The following CDH22 variants were observed in gnomAD, a reference collection of about 807,000 sequenced individuals.
The protein encoded by CDH22 is cadherin-22.
A neutral mutation model predicts 58.4 loss-of-function variants in CDH22; 30 were observed. That is an observed-to-expected ratio of 0.51 (90% CI 0.38 to 0.70). The LOEUF (loss-of-function observed/expected upper bound fraction) is 0.70. CDH22 is among the 30% of genes least tolerant of loss of function. The pLI is 0.00. For synonymous variants in CDH22, 513 were observed against 558.2 expected (o/e 0.92, Z 1.14); for missense variants, 1,014 against 1,233.9 (o/e 0.82, Z 2.67).
At position 46,216,155 on chromosome 20, in the gene CDH22, A is replaced by C. The variant is rs892538647; in HGVS notation, c.838+671T>G. ...CTGCCAGCTTTGGTGGCTTCCCTGT[A>C]GTGGCTCTCGGCCTGAGCCTGGGAC... On this transcript the variant is annotated intron_variant, in intron 5 of 11. Coordinates refer to ENST00000537909, the MANE Select transcript of CDH22 (RefSeq NM_021248.3). The surrounding 1 kb of genome is among the most constrained non-coding windows in gnomAD (Gnocchi z 5.3). Among the ~76,000 whole-genome samples the C allele has an allele frequency of 3.3e-5, 5 of 151,994 alleles. No individual in the cohort carries two copies. The highest frequency in any genetic ancestry group is 1.2e-4 in the African/African-American group (5 of 41,398).
intron 1 of CDH22, among the ~76,000 whole-genome samples, chr20:46,292,614 G>A (rs1039453602): frequency 6.6e-6 from 1 of 152,084 alleles, no homozygotes; most frequent in Non-Finnish European, 1.5e-5. Flanking sequence ...TGGCATCTTG[G>A]GCAAGTCACT....
At chr20:46,279,468 C>T (rs1416709177) in intron 1 of CDH22, among the ~76,000 whole-genome samples, 1 of 152,098 alleles carries the variant, frequency 6.6e-6, no homozygotes, top group Non-Finnish European at 1.5e-5. Context: ...TGAACCAGAG[C>T]TATATATGAC....
chr20:46,228,312 C>A (rs927119407), intron 3 of CDH22, among the ~76,000 whole-genome samples: 1 of 152,184 alleles, frequency 6.6e-6, no homozygotes, highest in Non-Finnish European at 1.5e-5. Flanking sequence ...CCTCGCCCCT[C>A]CCCCTGGGTG....
At chr20:46,284,268 C>T (rs1417251468) in intron 1 of CDH22, among the ~76,000 whole-genome samples, 2 of 152,122 alleles carry the variant, frequency 1.3e-5, no homozygotes, top group Non-Finnish European at 2.9e-5. Flanking sequence ...CAAAGGTGAT[C>T]AGTGAACCCT....
chr20:46,208,919 C>T (rs1045082794), intron 7 of CDH22, among the ~76,000 whole-genome samples: 1 of 152,210 alleles, frequency 6.6e-6, no homozygotes, highest in Non-Finnish European at 1.5e-5. Context: ...ATTAATTCAC[C>T]ACATATTCAG....
intron 1 of CDH22, among the ~76,000 whole-genome samples, chr20:46,303,121 C>T (rs909930882): frequency 5.3e-5 from 8 of 152,360 alleles, no homozygotes; most frequent in African/African-American, 1.2e-4. Flanking sequence ...TCAAGACCCA[C>T]GGGACCTGGC....
intron 1 of CDH22, among the ~76,000 whole-genome samples, chr20:46,264,852 T>TGC (rs1354705291): frequency 1.4e-5 from 2 of 148,070 alleles, no homozygotes; most frequent in African/African-American, 2.4e-5. Context: ...ACACACACCG[T>TGC]GCACACACAC....
chr20:46,213,670 A>G (rs1039031204), intron 5 of CDH22, among the ~76,000 whole-genome samples: 3 of 152,216 alleles, frequency 2.0e-5, no homozygotes, highest in African/African-American at 7.2e-5. Flanking sequence ...GGCACTTGGT[A>G]GCTACTCAAG....
chr20:46,256,533 G>C (rs2086407512), intron 1 of CDH22, among the ~76,000 whole-genome samples: 1 of 152,118 alleles, frequency 6.6e-6, no homozygotes, highest in Admixed American at 6.5e-5. Flanking sequence ...AGGAACATCG[G>C]GGGTCTCGTG....
chr20:46,236,407 TC>T (rs1214686554), intron 3 of CDH22, among the ~76,000 whole-genome samples: 3 of 149,448 alleles, frequency 2.0e-5, no homozygotes, highest in Non-Finnish European at 4.4e-5. Context: ...AAAATAACAC[TC>T]CCCGCAAATT....
rs1170551182 is a variant in CDH22, at chr20:46,224,715, T to C, written c.670+2793A>G. ...TAAATCCTACTACATGGAAAGAAACTCTGCCTCCTCCCCCAACCTAGTCCT... is the reference window on the plus strand; with the variant it reads ...TAAATCCTACTACATGGAAAGAAACCCTGCCTCCTCCCCCAACCTAGTCCT... On this transcript the variant is annotated intron_variant, in intron 4 of 11. Transcript: ENST00000537909. Among the ~76,000 whole-genome samples the C allele has an allele frequency of 2.0e-5, 3 of 152,168 alleles. No homozygotes were observed. In the East Asian group the frequency reaches 5.8e-4, roughly 29 times the overall value.
intron 7 of CDH22, among the ~76,000 whole-genome samples, chr20:46,207,525 C>T (rs1355763577): frequency 1.3e-5 from 2 of 152,320 alleles, no homozygotes; most frequent in East Asian, 3.9e-4. Context: ...TGTTCAGAGA[C>T]TATGCCACCA....
Position 46,301,629 on chromosome 20 carries a change from G to A in CDH22, c.-400+6626C>T, listed in dbSNP as rs181280572. Among the ~76,000 whole-genome samples the A allele has an allele frequency of 3.2e-3, 489 of 151,906 alleles. 5 individuals carry two copies. Among genetic ancestry groups the A allele is most frequent in the Admixed American group, 0.019 (284 of 15,244 alleles). ...AGCTCGAGACCAGCCTGGCCAACAC[G>A]GTGAAACTCTGTCTCTACTAAAAAT... On this transcript the variant is annotated intron_variant, in intron 1 of 11. Transcript: ENST00000537909.
At chr20:46,299,472 AC>A (rs1257649063) in intron 1 of CDH22, among the ~76,000 whole-genome samples, 1 of 152,160 alleles carries the variant, frequency 6.6e-6, no homozygotes, top group Admixed American at 6.5e-5. Flanking sequence ...GAGAGACACA[AC>A]CTTTGCCTTC....
rs1223113096 is a variant in CDH22, at chr20:46,210,233, CT to C, written c.1286+73del. The stretch of plus-strand genomic sequence containing the variant: ...CTGCCCGCCCCAGCCCTCCTCCCCT[CT>C]GCCCGCAGTCTGTCCGCGGGGGTGA... On this transcript the variant is annotated intron_variant, in intron 7 of 11. Coordinates refer to ENST00000537909, the MANE Select transcript of CDH22 (RefSeq NM_021248.3). This position sits in a 1 kb window ranked among gnomAD's most constrained non-coding sequence, Gnocchi z 4.5. 9.0e-6 allele frequency: 12 copies of C among 1,329,376 alleles called. No individual in the cohort carries two copies. The highest frequency in any genetic ancestry group is 1.2e-5 in the Non-Finnish European group (12 of 1,038,182). 82.3% of individuals were successfully genotyped at this position (1,329,376 alleles called of 1,614,324 possible).
At chr20:46,207,421 C>G (rs1272107295) in intron 7 of CDH22, among the ~76,000 whole-genome samples, 2 of 152,136 alleles carry the variant, frequency 1.3e-5, no homozygotes, top group Admixed American at 1.3e-4. Flanking sequence ...CCTGCAGAAT[C>G]CTCCTCCCCT....
chr20:46,181,746 TC>T (rs1600684462), intron 10 of CDH22, among the ~76,000 whole-genome samples: 9 of 99,564 alleles, frequency 9.0e-5, no homozygotes, highest in East Asian at 5.5e-4. Context: ...CTTCCTTCCT[TC>T]CTTCCTTCTT....
At chr20:46,185,763 G>T (rs922730514) in intron 10 of CDH22, among the ~76,000 whole-genome samples, 5 of 152,202 alleles carry the variant, frequency 3.3e-5, no homozygotes, top group African/African-American at 1.2e-4. Context: ...AGCTACTCAG[G>T]AGGCTGACGC....
At chr20:46,281,675 C>A (rs533095908) in intron 1 of CDH22, among the ~76,000 whole-genome samples, 2 of 152,206 alleles carry the variant, frequency 1.3e-5, no homozygotes, top group African/African-American at 4.8e-5. Flanking sequence ...AGGTAGGTAG[C>A]CAACAAAGGG....
Sources: gnomAD v4.1 joint callset for allele counts (sites outside exome capture counted in the v4.1 genomes callset) on GRCh38, gnomAD v4.1.1 for gene constraint, Gnocchi (gnomAD v3.1) non-coding constraint, MANE v1.5 for transcripts, NCBI Gene and HGNC (gene_info 2026-07-23, HGNC 2026-07-21) for gene names.